The following PDIA5 variants were observed in gnomAD, a reference collection of about 807,000 sequenced individuals.
PDIA5 encodes protein disulfide-isomerase A5.
Under a neutral mutation model 77.6 loss-of-function variants are expected in PDIA5, and 58 were observed. The ratio of observed to expected loss-of-function variants is 0.75; its 90% confidence interval spans 0.61 to 0.93. PDIA5 has a LOEUF of 0.93. PDIA5 is among the 40% of genes least tolerant of loss of function. The pLI is 0.00. For missense variants in PDIA5, 630 were observed against 647.7 expected, an observed-to-expected ratio of 0.97 and a Z score of 0.30; for synonymous variants, 250 against 252.1, an observed-to-expected ratio of 0.99 and a Z score of 0.08.
At chr3:123,091,102 C>G (rs1934272007) in intron 2 of PDIA5, among the ~76,000 whole-genome samples, 1 of 152,154 alleles carries the variant, frequency 6.6e-6, no homozygotes, top group African/African-American at 2.4e-5. Flanking sequence ...AACCCAGTCC[C>G]AGCAGTAGAA....
chr3:123,089,610 A>G (rs564051572), intron 2 of PDIA5, among the ~76,000 whole-genome samples: 1 of 152,274 alleles, frequency 6.6e-6, no homozygotes, highest in African/African-American at 2.4e-5. Context: ...GACACTGGGC[A>G]TGGATGTCCT....
chr3:123,124,235 C>A, intron 9 of PDIA5, 37 bp from the exon 10 acceptor site: 1 of 1,586,612 alleles, frequency 6.3e-7, no homozygotes, highest in Non-Finnish European at 8.7e-7. Flanking sequence ...CATTTGCATC[C>A]GTGACTGAGC....
chr3:123,102,588 T>A (rs1934628708), intron 4 of PDIA5, 94 bp downstream of exon 4: 2 of 1,107,612 alleles, frequency 1.8e-6, no homozygotes, highest in Admixed American at 1.9e-5. Flanking sequence ...AGATTAATTT[T>A]ATTTCAGAAT....
intron 15 of PDIA5, among the ~76,000 whole-genome samples, chr3:123,158,303 TAGAG>T (rs1936067114): frequency 6.6e-6 from 1 of 152,212 alleles, no homozygotes; most frequent in African/African-American, 2.4e-5. Context: ...GATTGAATCT[TAGAG>T]AGATCATATG....
chr3:123,150,434 G>T, intron 14 of PDIA5, 70 bp downstream of exon 14: 2 of 1,479,406 alleles, frequency 1.4e-6, no homozygotes, highest in East Asian at 2.3e-5. Context: ...AAAAAGACCC[G>T]CACACCCACC....
intron 1 of PDIA5, among the ~76,000 whole-genome samples, chr3:123,085,373 T>C (rs1934111412): frequency 6.6e-6 from 1 of 152,174 alleles, no homozygotes; most frequent in African/African-American, 2.4e-5. Flanking sequence ...TGAGCCCCAG[T>C]GTCATGCCCA....
At chr3:123,105,528 T>C (rs908215783) in intron 5 of PDIA5, among the ~76,000 whole-genome samples, 2 of 152,132 alleles carry the variant, frequency 1.3e-5, no homozygotes, top group African/African-American at 4.8e-5. Context: ...CCAGGAGGCG[T>C]TTCACAGCTC....
At chr3:123,125,300 A>G (rs926802168) in intron 10 of PDIA5, among the ~76,000 whole-genome samples, 1 of 152,222 alleles carries the variant, frequency 6.6e-6, no homozygotes, top group African/African-American at 2.4e-5. Flanking sequence ...TGTTCTAAGC[A>G]CTTTACATGG....
chr3:123,072,916 G>C (rs1344538017), intron 1 of PDIA5, among the ~76,000 whole-genome samples: 1 of 123,250 alleles, frequency 8.1e-6, no homozygotes, highest in Non-Finnish European at 2.0e-5. Context: ...CTCCTTCTGT[G>C]TGTGTGTGTG....
In PDIA5 at chr3:123,067,126, G is replaced by T; in HGVS notation, c.-39G>T. The T allele has an allele frequency of 8.1e-7, 1 of 1,241,324 alleles. No individual in the cohort carries two copies. 76.9% of individuals were successfully genotyped at this position (1,241,324 alleles called of 1,614,324 possible). A position where few individuals can be genotyped will look rare whatever the true frequency, so the allele number is the denominator to read the frequency against. The stretch of plus-strand genomic sequence containing the variant: ...GGCGGGCGGGCGGGAGCGGGCGCCG[G>T]AGTGGAGAAAGGAGCCAGCGGTGGG... On this transcript the variant is annotated 5_prime_UTR_variant, in exon 1 of 17. Coordinates refer to ENST00000316218, the MANE Select transcript of PDIA5 (RefSeq NM_006810.4).
chr3:123,112,253 AG>A (rs1321446618), intron 7 of PDIA5, among the ~76,000 whole-genome samples: 1 of 152,032 alleles, frequency 6.6e-6, no homozygotes, highest in East Asian at 1.9e-4. Flanking sequence ...TGAGCAACAG[AG>A]GGGTTGTATA....
intron 3 of PDIA5, among the ~76,000 whole-genome samples, chr3:123,093,247 G>A (rs1241058725): frequency 6.7e-6 from 1 of 148,510 alleles, no homozygotes; most frequent in Non-Finnish European, 1.5e-5. Flanking sequence ...CAAGTGGTGT[G>A]TGCTGTAGAG....
At position 123,092,454 on chromosome 3, in the gene PDIA5, G is replaced by C; in HGVS notation, c.257+12G>C. The stretch of plus-strand genomic sequence containing the variant: ...TGGGTGGACTGTGGGTATGTGCTGG[G>C]GCCATGTGCCATGGTGGCTGCTGGG... On this transcript the variant is annotated intron_variant, in intron 3 of 16. Coordinates refer to ENST00000316218, the MANE Select transcript of PDIA5 (RefSeq NM_006810.4). 1 of 1,607,362 alleles carries C rather than the reference G, an allele frequency of 6.2e-7. No individual in the cohort carries two copies. The highest frequency in any genetic ancestry group is 8.5e-7 in the Non-Finnish European group (1 of 1,174,022).
At chr3:123,140,544 A>G (rs183056050) in intron 11 of PDIA5, among the ~76,000 whole-genome samples, 67 of 152,302 alleles carry the variant, frequency 4.4e-4, no homozygotes, top group African/African-American at 1.5e-3. Flanking sequence ...GACTCAAAGC[A>G]GGGGCCAGAA....
At chr3:123,140,654 A>G (rs1576460770) in intron 11 of PDIA5, among the ~76,000 whole-genome samples, 1 of 151,874 alleles carries the variant, frequency 6.6e-6, no homozygotes, top group African/African-American at 2.4e-5. Context: ...GCCCTGGGGG[A>G]TTTGTCACTT....
At chr3:123,156,401 C>A (rs1180400380) in intron 15 of PDIA5, among the ~76,000 whole-genome samples, 1 of 152,224 alleles carries the variant, frequency 6.6e-6, no homozygotes, top group African/African-American at 2.4e-5. Flanking sequence ...CTCTGCCTGC[C>A]CCTTTCCCTG....
At chr3:123,161,723 A>G in intron 16 of PDIA5, 157 bp from the exon 17 acceptor site, 2 of 684,028 alleles carry the variant, frequency 2.9e-6, no homozygotes, top group Non-Finnish European at 5.1e-6. Flanking sequence ...GGGCTGGTGC[A>G]AGCCACGCAG....
chr3:123,124,151 A>G lies in PDIA5; in HGVS notation c.695A>G (p.Tyr232Cys). The change falls in exon 9 of 17, where the codon TAT becomes TGT. Residue 232 changes from tyrosine to cysteine, a missense_variant. By Grantham distance (194) the Tyr-to-Cys change is radical. Transcript: ENST00000316218. ...GTGCGCGGCTTCCCCACCATCTGCT[A>G]TTTTGAGTACGTCCCCCACTTTCCT... is the stretch of plus-strand genomic sequence containing the variant. Reference protein sequence around the residue: ...YSVRGFPTICYFEKGRFLFQY... With the variant: ...YSVRGFPTICCFEKGRFLFQY... The G allele has an allele frequency of 6.2e-7, 1 of 1,612,710 alleles. No individual in the cohort carries two copies.
At chr3:123,122,027 A>T (rs1317956772) in intron 8 of PDIA5, among the ~76,000 whole-genome samples, 1 of 152,204 alleles carries the variant, frequency 6.6e-6, no homozygotes, top group East Asian at 1.9e-4. Context: ...CTGTGCAGAA[A>T]TCTCAGACTG....
Sources: allele counts gnomAD v4.1 joint callset (sites outside exome capture counted in the v4.1 genomes callset), GRCh38; gene constraint gnomAD v4.1.1; transcripts MANE v1.5; gene names NCBI Gene and HGNC (gene_info 2026-07-23, HGNC 2026-07-21).